SLC15A1: variants seen among roughly 807,000 people sequenced by gnomAD.
SLC15A1 encodes the protein Caco-2 oligopeptide transporter.
In SLC15A1, 83 loss-of-function variants were observed where a neutral mutation model predicts 92.9. The observed-to-expected ratio is 0.89, with a 90% CI of 0.75 to 1.07. SLC15A1 has a LOEUF of 1.07. Among genes scored for constraint, SLC15A1 ranks in the 50% least tolerant of loss-of-function variants. The pLI is 0.00. For missense variants in SLC15A1, 857 were observed against 880.1 expected, an observed-to-expected ratio of 0.97 and a Z score of 0.33; for synonymous variants, 322 against 318.2, an observed-to-expected ratio of 1.01 and a Z score of -0.13.
intron 5 of SLC15A1, among the ~76,000 whole-genome samples, chr13:98,723,056 A>G (rs951397058): frequency 6.6e-6 from 1 of 152,232 alleles, no homozygotes; most frequent in African/African-American, 2.4e-5. Flanking sequence ...GAAAGGGCAC[A>G]GCCAGAATCT....
At position 98,709,902 on chromosome 13, in the gene SLC15A1, A is replaced by T; in HGVS notation, c.910T>A (p.Trp304Arg). 1 of 1,614,240 alleles carries T rather than the reference A, an allele frequency of 6.2e-7. No homozygotes were observed. The change falls in exon 12 of 23, where the codon TGG becomes AGG. Residue 304 changes from tryptophan (W) to arginine (R), a missense_variant. Physicochemically the swap from Trp to Arg is moderately radical, Grantham distance 101. Transcript: ENST00000376503. ...GACATAGTTGTTGCCTGCAGTGTCC[A>T]CCTGGAGCCCTTAAAAATGAATACA... Reference protein sequence around the residue: ...WALFDQQGSRWTLQATTMSGK... With the variant: ...WALFDQQGSRRTLQATTMSGK...
intron 20 of SLC15A1, 124 bp downstream of exon 20, chr13:98,688,123 AG>A: frequency 3.0e-6 from 2 of 668,486 alleles, no homozygotes; most frequent in Non-Finnish European, 5.1e-6. Context: ...ATTAATTCTA[AG>A]CCCATTTAAA....
intron 18 of SLC15A1, among the ~76,000 whole-genome samples, chr13:98,696,743 G>A (rs1224005780): frequency 1.3e-5 from 2 of 152,150 alleles, no homozygotes; most frequent in Non-Finnish European, 2.9e-5. Flanking sequence ...GTGAGGGGCT[G>A]AATGGTGTCG....
chr13:98,714,116 C>T (rs1205170712), intron 9 of SLC15A1, among the ~76,000 whole-genome samples: 3 of 150,958 alleles, frequency 2.0e-5, no homozygotes, highest in Non-Finnish European at 2.9e-5. Flanking sequence ...TAGGATACTT[C>T]GCAATATAGT....
intron 1 of SLC15A1, among the ~76,000 whole-genome samples, chr13:98,729,339 G>A (rs2088329456): frequency 6.6e-6 from 1 of 152,172 alleles, no homozygotes; most frequent in African/African-American, 2.4e-5. Context: ...CATATGAAAA[G>A]CAGCTCAACT....
intron 1 of SLC15A1, among the ~76,000 whole-genome samples, chr13:98,742,879 GAT>G (rs1221061902): frequency 0.017 from 2,579 of 152,308 alleles, 28 homozygotes; most frequent in Middle Eastern, 0.085. Context: ...GGGCTCAAGG[GAT>G]CCTCCCGCCT....
At chr13:98,737,502 A>T (rs971416375) in intron 1 of SLC15A1, among the ~76,000 whole-genome samples, 1 of 152,194 alleles carries the variant, frequency 6.6e-6, no homozygotes, top group Admixed American at 6.5e-5. Context: ...AATAATAAAA[A>T]AAGGAAATAA....
At chr13:98,688,862 T>C (rs193082777) in intron 18 of SLC15A1, among the ~76,000 whole-genome samples, 52 of 152,336 alleles carry the variant, frequency 3.4e-4, no homozygotes, top group Non-Finnish European at 5.9e-5. Flanking sequence ...ATTAGGAATA[T>C]TAAGCAGGGA....
chr13:98,688,325 G>A lies in SLC15A1; in HGVS notation c.1606C>T (p.Pro536Ser). ...KGFTISSTEI[P>S]PQCQPNFNTF... ...TTGAAATTAGGTTGACATTGTGGCG[G>A]AATCTCTGTTGAGCTTATTGTGAAG... Residue 536 changes from proline (P) to serine (S), a missense_variant, in exon 20 of 23, where the codon CCG (proline) becomes TCG (serine). Physicochemically the swap from Pro to Ser is moderately conservative, Grantham distance 74. Coordinates refer to ENST00000376503, the MANE Select transcript of SLC15A1 (RefSeq NM_005073.4). The A allele has an allele frequency of 6.2e-7, 1 of 1,613,996 alleles. No homozygotes were observed. Among genetic ancestry groups the A allele is most frequent in the Non-Finnish European group, 8.5e-7 (1 of 1,179,956 alleles).
chr13:98,726,461 G>A lies in SLC15A1; in HGVS notation c.22-12C>T, dbSNP rs749068554. 1.2e-6 allele frequency: 2 copies of A among 1,612,206 alleles called. No individual in the cohort carries two copies. The highest frequency in any genetic ancestry group is 1.7e-6 in the Non-Finnish European group (2 of 1,178,774). Reference sequence around the variant, plus strand: ...TAACCAAAGAAACTCTGACAAAAAAGAAACAAGCACAGGATTGAAATACAC... The same window carrying A: ...TAACCAAAGAAACTCTGACAAAAAAAAAACAAGCACAGGATTGAAATACAC... On this transcript the variant is annotated splice_polypyrimidine_tract_variant and intron_variant, in intron 2 of 22. Coordinates refer to ENST00000376503, the MANE Select transcript of SLC15A1 (RefSeq NM_005073.4).
chr13:98,736,972 A>G (rs1311840073), intron 1 of SLC15A1, among the ~76,000 whole-genome samples: 9 of 152,234 alleles, frequency 5.9e-5, no homozygotes, highest in Non-Finnish European at 1.3e-4. Flanking sequence ...ATACCATTTG[A>G]CCCAGCCATC....
intron 2 of SLC15A1, 189 bp downstream of exon 2, chr13:98,726,654 G>T (rs2088304419): frequency 1.4e-6 from 1 of 740,714 alleles, no homozygotes; most frequent in South Asian, 1.6e-5. Flanking sequence ...AGCATCCAGT[G>T]GTATTGTTAG....
At chr13:98,721,630 A>G in intron 6 of SLC15A1, 45 bp from the exon 7 acceptor site, 1 of 1,410,394 alleles carries the variant, frequency 7.1e-7, no homozygotes, top group Non-Finnish European at 9.9e-7. Flanking sequence ...CTATCAATCC[A>G]CTGAGCACAG....
Position 98,726,593 on chromosome 13 carries a change from T to C in SLC15A1, c.22-144A>G, listed in dbSNP as rs1329197968. On this transcript the variant is annotated intron_variant, in intron 2 of 22. Coordinates refer to ENST00000376503, the MANE Select transcript of SLC15A1 (RefSeq NM_005073.4). The stretch of plus-strand genomic sequence containing the variant: ...TCTAGAGCAGGAAACTAGCATTTAA[T>C]CATTTTATTCCCTACACTAATCCTT... 10 of 806,370 alleles carry C rather than the reference T, an allele frequency of 1.2e-5. No homozygotes were observed. In the East Asian group the frequency reaches 1.9e-4, roughly 15 times the overall value. 50.0% of individuals were successfully genotyped at this position (806,370 alleles called of 1,614,324 possible).
At chr13:98,738,829 G>A (rs1342143336) in intron 1 of SLC15A1, among the ~76,000 whole-genome samples, 1 of 152,234 alleles carries the variant, frequency 6.6e-6, no homozygotes, top group Non-Finnish European at 1.5e-5. Flanking sequence ...GTGGAGCTGT[G>A]AGAAGAAGGC....
Position 98,697,011 on chromosome 13 carries a change from A to G in SLC15A1, c.1466+5469T>C, listed in dbSNP as rs545011520. 3.3e-5 allele frequency among the ~76,000 whole-genome samples: 5 copies of G among 152,202 alleles called. No homozygotes were observed. In the East Asian group the frequency reaches 9.7e-4, roughly 29 times the overall value. ...AGAAACCAGCCCTTCTGGCATCCTG[A>G]TCTTACACTTCCAGCCTCTGGAGCT... On this transcript the variant is annotated intron_variant, in intron 18 of 22. Transcript: ENST00000376503.
rs1593974802 is a variant in SLC15A1 at position 98,684,352 on chromosome 13, C to T, written c.*372G>A. 6.1e-6 allele frequency: 1 copy of T among 163,964 alleles called. No individual in the cohort carries two copies. 10.2% of individuals were successfully genotyped at this position (163,964 alleles called of 1,614,324 possible). A position where few individuals can be genotyped will look rare whatever the true frequency, so the allele number is the denominator to read the frequency against. On this transcript the variant is annotated 3_prime_UTR_variant, in exon 23 of 23. Coordinates refer to ENST00000376503, the MANE Select transcript of SLC15A1 (RefSeq NM_005073.4). ...CACCAGGTCAAGAGATCGAGACCAT[C>T]CTGGCCAACATGGTGAAACCCCATC...
intron 1 of SLC15A1, among the ~76,000 whole-genome samples, chr13:98,750,152 G>A (rs906152771): frequency 3.3e-5 from 5 of 151,428 alleles, no homozygotes; most frequent in Non-Finnish European, 7.4e-5. Context: ...CACTCTTGTC[G>A]TCCAGGCTGG....
At chr13:98,716,588 C>T (rs1343682941) in intron 8 of SLC15A1, among the ~76,000 whole-genome samples, 2 of 151,560 alleles carry the variant, frequency 1.3e-5, no homozygotes, top group Non-Finnish European at 2.9e-5. Context: ...TGTCACTGCA[C>T]TCCAGTCTCG....
Sources: gnomAD v4.1 joint callset for allele counts (sites outside exome capture counted in the v4.1 genomes callset) on GRCh38, gnomAD v4.1.1 for gene constraint, MANE v1.5 for transcripts, NCBI Gene and HGNC (gene_info 2026-07-23, HGNC 2026-07-21) for gene names.